The following PRIM2 variants were observed in gnomAD, a reference collection of about 807,000 sequenced individuals.
PRIM2 encodes the protein DNA primase subunit 2, also known as DNA primase large subunit.
Under a neutral mutation model 67.3 loss-of-function variants are expected in PRIM2, and 39 were observed. The ratio of observed to expected loss-of-function variants is 0.58; its 90% CI spans 0.45 to 0.76. The LOEUF is 0.76. Ranked by LOEUF, PRIM2 falls within the 30% of genes least tolerant of loss-of-function variation. The pLI is 0.00. For missense variants in PRIM2, 398 were observed against 598.7 expected, an observed-to-expected ratio of 0.66 and a Z score of 3.50; for synonymous variants, 143 against 198.7, an observed-to-expected ratio of 0.72 and a Z score of 2.36.
intron 3 of PRIM2, among the ~76,000 whole-genome samples, chr6:57,322,068 C>T (rs1001953120): frequency 8.6e-5 from 13 of 151,712 alleles, no homozygotes; most frequent in African/African-American, 2.7e-4. Flanking sequence ...GAAGGTGGAG[C>T]GGTGGATATA....
chr6:57,586,546 A>G (rs1232572095), intron 10 of PRIM2, among the ~76,000 whole-genome samples: 1 of 152,224 alleles, frequency 6.6e-6, no homozygotes, highest in African/African-American at 2.4e-5. Flanking sequence ...GACCCTTGCA[A>G]GGATAGACTG....
chr6:57,642,435 C>CTTTTTTTTTTTTTTTTTTTTTTTTT (rs1156576933), intron 13 of PRIM2, among the ~76,000 whole-genome samples: 1 of 83,184 alleles, frequency 1.2e-5, no homozygotes, highest in Non-Finnish European at 2.1e-5. Flanking sequence ...AATATTATAT[C>CTTTTTTTTTTTTTTTTTTTTTTTTT]TTTTTTTTTT....
rs1266964415 is a variant in PRIM2 at position 57,549,061 on chromosome 6, A to G, written c.1020+11436A>G. 1.4e-3 allele frequency among the ~76,000 whole-genome samples: 210 copies of G among 152,314 alleles called. 5 individuals carry two copies. In the East Asian group the frequency reaches 0.019, roughly 14 times the overall value. ...CCATCTTAGGAGATAAGTATTATTTATGTCGAGTTTACTAATGAAAAAACA... is the reference window on the plus strand; with the variant it reads ...CCATCTTAGGAGATAAGTATTATTTGTGTCGAGTTTACTAATGAAAAAACA... On this transcript the variant is annotated intron_variant, in intron 10 of 13. Coordinates refer to ENST00000615550, the MANE Select transcript of PRIM2 (RefSeq NM_000947.5).
chr6:57,304,999 T>G, the PRIM2 span, among the ~76,000 whole-genome samples: 7,665 of 152,310 alleles, frequency 0.05, 625 homozygotes, highest in African/African-American at 0.17. Context: ...GTACTCAAGA[T>G]AGCTCTCAAC....
intron 12 of PRIM2, among the ~76,000 whole-genome samples, chr6:57,623,749 C>G (rs1219551656): frequency 6.6e-6 from 1 of 151,942 alleles, no homozygotes; most frequent in Non-Finnish European, 1.5e-5. Context: ...TTTCATAAAG[C>G]AAGTAGTTTA....
chr6:57,284,668 A>G, the PRIM2 span, among the ~76,000 whole-genome samples: 1 of 152,182 alleles, frequency 6.6e-6, no homozygotes, highest in Admixed American at 6.5e-5. Context: ...GACGTTCCAT[A>G]AAAGTAACAA....
chr6:57,251,297 C>G, the PRIM2 span, among the ~76,000 whole-genome samples: 1 of 152,182 alleles, frequency 6.6e-6, no homozygotes, highest in African/African-American at 2.4e-5. Context: ...TATAGTCTAA[C>G]TTACTGTATT....
At chr6:57,316,659 C>T (rs1767491104), upstream of PRIM2, among the ~76,000 whole-genome samples, 1 of 152,208 alleles carries the variant, frequency 6.6e-6, no homozygotes, top group Admixed American at 6.5e-5. Context: ...CTCATTCCAG[C>T]ACATTTGTAA....
chr6:57,465,940 T>C (rs1457510552), intron 7 of PRIM2, among the ~76,000 whole-genome samples: 8 of 152,080 alleles, frequency 5.3e-5, no homozygotes, highest in African/African-American at 1.9e-4. Context: ...TCATCTACAT[T>C]AGGTTTTTCT....
chr6:57,465,726 G>T (rs2127399484), intron 7 of PRIM2, among the ~76,000 whole-genome samples: 1 of 152,144 alleles, frequency 6.6e-6, no homozygotes, highest in Middle Eastern at 3.4e-3. Flanking sequence ...AGGATTAGGT[G>T]ACTTATTTAA....
intron 8 of PRIM2, among the ~76,000 whole-genome samples, chr6:57,523,450 A>T (rs1401835412): frequency 6.6e-6 from 1 of 152,254 alleles, no homozygotes; most frequent in Non-Finnish European, 1.5e-5. Context: ...AATTATACAG[A>T]TGAAGAGAAG....
At chr6:57,469,658 C>A (rs1773290804) in intron 7 of PRIM2, among the ~76,000 whole-genome samples, 1 of 152,072 alleles carries the variant, frequency 6.6e-6, no homozygotes, top group African/African-American at 2.4e-5. Flanking sequence ...AGGTCTTATG[C>A]AGTAAATTTG....
chr6:57,613,359 GT>G (rs1299787678), intron 12 of PRIM2, among the ~76,000 whole-genome samples: 1 of 152,108 alleles, frequency 6.6e-6, no homozygotes, highest in Admixed American at 6.6e-5. Context: ...ATGTACTTCA[GT>G]TTTTTTCCTT....
intron 12 of PRIM2, among the ~76,000 whole-genome samples, chr6:57,615,194 G>A (rs1409568036): frequency 6.6e-6 from 1 of 152,180 alleles, no homozygotes; most frequent in East Asian, 1.9e-4. Context: ...AAGACCTATG[G>A]GTTGCTTGAG....
intron 5 of PRIM2, among the ~76,000 whole-genome samples, chr6:57,377,993 C>T (rs1769826329): frequency 6.6e-6 from 1 of 151,852 alleles, no homozygotes; most frequent in African/African-American, 2.4e-5. Flanking sequence ...TGTTTGGAAC[C>T]TTTTTAATGA....
chr6:57,593,712 G>C (rs1444083051), intron 10 of PRIM2, among the ~76,000 whole-genome samples: 1 of 152,212 alleles, frequency 6.6e-6, no homozygotes, highest in Non-Finnish European at 1.5e-5. Flanking sequence ...TACAATATTT[G>C]TTGAATTTGT....
intron 5 of PRIM2, among the ~76,000 whole-genome samples, chr6:57,374,288 T>TTTATTTATTTAC (rs1166169563): frequency 6.9e-6 from 1 of 144,218 alleles, no homozygotes; most frequent in Non-Finnish European, 1.5e-5. Context: ...TATTTATTTA[T>TTTATTTATTTAC]TTATTTATTT....
chr6:57,594,499 C>A (rs1431887170), intron 10 of PRIM2, among the ~76,000 whole-genome samples: 14 of 152,044 alleles, frequency 9.2e-5, no homozygotes, highest in Non-Finnish European at 1.5e-4. Context: ...CCAGTCAGAT[C>A]CAGTTCCAAA....
intron 7 of PRIM2, among the ~76,000 whole-genome samples, chr6:57,424,433 G>C (rs1771557208): frequency 6.6e-6 from 1 of 152,084 alleles, no homozygotes; most frequent in Non-Finnish European, 1.5e-5. Context: ...AATTATATAA[G>C]AACAGATGGA....
Sources: allele counts gnomAD v4.1 joint callset (sites outside exome capture counted in the v4.1 genomes callset), GRCh38; gene constraint gnomAD v4.1.1; transcripts MANE v1.5; gene names NCBI Gene and HGNC (gene_info 2026-07-23, HGNC 2026-07-21).